The following PKD2L2 variants were observed in gnomAD, a reference collection of about 807,000 sequenced individuals.
PKD2L2 encodes the protein polycystin 2 like 2, transient receptor potential cation channel.
In PKD2L2, 67 loss-of-function variants were observed where a neutral mutation model predicts 83.9. The ratio of observed to expected loss-of-function variants is 0.80; its 90% CI spans 0.66 to 0.98. The LOEUF (loss-of-function observed/expected upper bound fraction) is 0.98. Among genes scored for constraint, PKD2L2 ranks in the 50% least tolerant of loss-of-function variants. The pLI is 0.00. For synonymous variants in PKD2L2, 223 were observed against 237.8 expected, an observed-to-expected ratio of 0.94 and a Z score of 0.57; for missense variants, 632 against 717.2, an observed-to-expected ratio of 0.88 and a Z score of 1.36.
At chr5:137,923,818 T>C (rs146769202) in intron 10 of PKD2L2, among the ~76,000 whole-genome samples, 1 of 152,352 alleles carries the variant, frequency 6.6e-6, no homozygotes, top group East Asian at 1.9e-4. Flanking sequence ...CTGAGTATTA[T>C]AATAAAACCC....
At chr5:137,929,448 C>T (rs140286459) in intron 12 of PKD2L2, among the ~76,000 whole-genome samples, 1,652 of 131,836 alleles carry the variant, frequency 0.013, 25 homozygotes, top group African/African-American at 0.044. Context: ...GTGACAAGAG[C>T]GAAACTCCAT....
In PKD2L2 at chr5:137,921,091, T is replaced by C. The variant is rs10051396; in HGVS notation, c.1329-545T>C. On this transcript the variant is annotated intron_variant, in intron 8 of 14. Coordinates refer to ENST00000508883, the MANE Select transcript of PKD2L2 (RefSeq NM_001300921.2). ...AATGTTATAGGTGGGCTGGGTGTGGTGGCTCATGCCTGTAATCCCAGCACT... is the reference window on the plus strand; with the variant it reads ...AATGTTATAGGTGGGCTGGGTGTGGCGGCTCATGCCTGTAATCCCAGCACT... Among the ~76,000 whole-genome samples the C allele has an allele frequency of 2.0e-5, 3 of 152,316 alleles. 1 individual carries two copies. Among genetic ancestry groups the C allele is most frequent in the Middle Eastern group, 6.8e-3 (2 of 294 alleles).
intron 4 of PKD2L2, among the ~76,000 whole-genome samples, chr5:137,896,022 C>A (rs1561675720): frequency 2.6e-5 from 4 of 151,710 alleles, no homozygotes; most frequent in Admixed American, 2.0e-4. Flanking sequence ...ACTAAAAATA[C>A]AAAAATTAGC....
rs771762286 is a variant in PKD2L2 at position 137,894,437 on chromosome 5, C to T, written c.352C>T (p.Arg118Cys). Residue 118 changes from arginine to cysteine, a missense_variant, in exon 4 of 15, where the codon CGC becomes TGC. By Grantham distance (180) the Arg-to-Cys change is radical. This residue lies in a region of PKD2L2 where 229 missense variants were observed against 281.5 expected (regional missense o/e 0.81). Coordinates refer to ENST00000508883, the MANE Select transcript of PKD2L2 (RefSeq NM_001300921.2). Reference sequence around the variant, plus strand: ...GCTGTATAATTTAAAGAACAGCAGTCGCATCTACTATGAAAATATACTTCT... The same window carrying T: ...GCTGTATAATTTAAAGAACAGCAGTTGCATCTACTATGAAAATATACTTCT... ...QQLYNLKNSSRIYYENILLGV... is the reference protein window; with the variant it reads ...QQLYNLKNSSCIYYENILLGV... 18 of 1,612,834 alleles carry T rather than the reference C, an allele frequency of 1.1e-5. No homozygotes were observed. The highest frequency in any genetic ancestry group is 6.7e-5 in the Admixed American group (4 of 60,002).
At chr5:137,907,265 A>T (rs985866969) in intron 6 of PKD2L2, among the ~76,000 whole-genome samples, 1 of 152,232 alleles carries the variant, frequency 6.6e-6, no homozygotes, top group African/African-American at 2.4e-5. Context: ...AGTCAAAGGA[A>T]AATTTTCATG....
intron 10 of PKD2L2, among the ~76,000 whole-genome samples, chr5:137,923,953 A>G (rs1367981996): frequency 1.3e-5 from 2 of 152,046 alleles, no homozygotes; most frequent in African/African-American, 4.8e-5. Context: ...CTATCCTCTC[A>G]AGTCACTCCT....
At chr5:137,930,906 T>G (rs1759824351) in intron 12 of PKD2L2, among the ~76,000 whole-genome samples, 1 of 151,930 alleles carries the variant, frequency 6.6e-6, no homozygotes, top group Non-Finnish European at 1.5e-5. Flanking sequence ...ACAATAGTAG[T>G]AGTATAAATA....
Position 137,894,608 on chromosome 5 carries a change from GAGTA to G in PKD2L2, c.524+4_524+7del. ...TAATTTTGGCCTTCAAATTAATACT[GAGTA>G]AGTAGCATAAAATTATACTGTAACT... On this transcript the variant is annotated splice_donor_variant and splice_donor_region_variant and coding_sequence_variant and intron_variant, in exon 4 of 15. Transcript: ENST00000508883. LOFTEE classifies it high-confidence loss of function. The G allele has an allele frequency of 6.2e-7, 1 of 1,604,440 alleles. No homozygotes were observed. The highest frequency in any genetic ancestry group is 1.3e-5 in the African/African-American group (1 of 74,662).
chr5:137,906,335 T>C lies in PKD2L2; in HGVS notation c.876T>C (p.Phe292=). 6.2e-7 allele frequency: 1 copy of C among 1,608,014 alleles called. No homozygotes were observed. Among genetic ancestry groups the C allele is most frequent in the Non-Finnish European group, 8.5e-7 (1 of 1,174,616 alleles). ...IASCEITFCI[F]LFVFTTQEVK... ...CCTGTGAAATCACATTCTGTATTTT[T>C]CTTTTTGTCTTCACAACACAAGAAG... Residue 292 remains phenylalanine (F), a synonymous_variant, in exon 6 of 15, where the codon TTT becomes TTC. Transcript: ENST00000508883.
Position 137,936,408 on chromosome 5 carries a change from T to C in PKD2L2, c.1873T>C (p.Ter625GlnextTer2), listed in dbSNP as rs572073558. Residue 625 changes from the stop codon to glutamine (Q), a stop_lost, in exon 14 of 15, where the codon TAG becomes CAG. Coordinates refer to ENST00000508883, the MANE Select transcript of PKD2L2 (RefSeq NM_001300921.2). ...AGTGGTGAGAAAGGTTTCAGCTCTA[T>C]AGTATTGAGACAAGTGGAGGTAAGA... is the stretch of plus-strand genomic sequence containing the variant. ...NQVVRKVSAL[*>Q] The C allele has an allele frequency of 3.2e-4, 490 of 1,535,318 alleles. 6 individuals are homozygous for C. In the South Asian group the frequency reaches 4.9e-3, roughly 15 times the overall value.
At position 137,923,648 on chromosome 5, in the gene PKD2L2, A is replaced by T. The variant is rs1038861348; in HGVS notation, c.1551+127A>T. The T allele has an allele frequency of 7.4e-5, 48 of 644,308 alleles. No homozygotes were observed. In the African/African-American group the frequency reaches 8.4e-4, roughly 11 times the overall value. The allele number at this position is 644,308 out of a possible 1,614,324, so 39.9% of individuals were successfully genotyped here. On this transcript the variant is annotated intron_variant, in intron 10 of 14. Transcript: ENST00000508883. Reference sequence around the variant, plus strand: ...CCCACTCCCACCCCATCCCATCCCCAGGGTTTGTTTTGTGTTTTGATCCAG... The same window carrying T: ...CCCACTCCCACCCCATCCCATCCCCTGGGTTTGTTTTGTGTTTTGATCCAG...
intron 9 of PKD2L2, 91 bp from the exon 10 acceptor site, chr5:137,923,329 A>T: frequency 2.9e-6 from 2 of 687,296 alleles, no homozygotes; most frequent in Non-Finnish European, 5.1e-6. Context: ...TTTAAAATTT[A>T]AATATAATTT....
intron 8 of PKD2L2, among the ~76,000 whole-genome samples, chr5:137,910,093 G>T (rs1163551803): frequency 6.6e-6 from 1 of 151,966 alleles, no homozygotes; most frequent in Non-Finnish European, 1.5e-5. Context: ...GGATGTGGTG[G>T]CATATGCTTG....
chr5:137,929,306 T>C (rs1041011424), intron 12 of PKD2L2, among the ~76,000 whole-genome samples: 2 of 151,246 alleles, frequency 1.3e-5, no homozygotes, highest in Non-Finnish European at 3.0e-5. Flanking sequence ...TACTAAAAAT[T>C]AAAAATTAGC....
intron 14 of PKD2L2, among the ~76,000 whole-genome samples, chr5:137,937,182 C>T (rs74957736): frequency 0.014 from 2,127 of 152,118 alleles, 40 homozygotes; most frequent in African/African-American, 0.047. Context: ...TATATAAGAC[C>T]CAAGTAAAGT....
intron 1 of PKD2L2, 26 bp downstream of exon 1, chr5:137,889,548 A>C (rs1242850532): frequency 6.5e-7 from 1 of 1,532,140 alleles, no homozygotes; most frequent in Admixed American, 2.4e-5. Context: ...AAGGAGTGGG[A>C]GGGACAGGGG....
chr5:137,917,564 A>T (rs898762615), intron 8 of PKD2L2, among the ~76,000 whole-genome samples: 5 of 152,022 alleles, frequency 3.3e-5, no homozygotes, highest in African/African-American at 1.2e-4. Context: ...CTTCCTTTGA[A>T]TCTCTTTAGT....
rs982736951 is a variant in PKD2L2 at position 137,894,414 on chromosome 5, T to G, written c.329T>G (p.Leu110Arg). 1 of 1,612,442 alleles carries G rather than the reference T, an allele frequency of 6.2e-7. No homozygotes were observed. Among genetic ancestry groups the G allele is most frequent in the African/African-American group, 1.3e-5 (1 of 75,054 alleles). ...GATTCATGGTACAATAACCAGCAGCTGTATAATTTAAAGAACAGCAGTCGC... is the reference window on the plus strand; with the variant it reads ...GATTCATGGTACAATAACCAGCAGCGGTATAATTTAAAGAACAGCAGTCGC... Reference protein sequence around the residue: ...YWDSWYNNQQLYNLKNSSRIY... With the variant: ...YWDSWYNNQQRYNLKNSSRIY... Residue 110 changes from leucine to arginine, a missense_variant, in exon 4 of 15, where the codon CTG (leucine) becomes CGG (arginine). Physicochemically the swap from Leu to Arg is moderately radical, Grantham distance 102 (BLOSUM62 -2). This residue lies in a region of PKD2L2 where 229 missense variants were observed against 281.5 expected (regional missense o/e 0.81). Coordinates refer to ENST00000508883, the MANE Select transcript of PKD2L2 (RefSeq NM_001300921.2).
chr5:137,899,506 T>C lies in PKD2L2; in HGVS notation c.525-10T>C. ...TGTCATTTCACCATTATTCTTTTTA[T>C]GTGTAACAGATGGAGATATTCTACT... On this transcript the variant is annotated splice_polypyrimidine_tract_variant and intron_variant, in intron 4 of 14. Transcript: ENST00000508883. 2.7e-6 allele frequency: 4 copies of C among 1,471,120 alleles called. No individual in the cohort carries two copies. Among genetic ancestry groups the C allele is most frequent in the Admixed American group, 1.7e-5 (1 of 58,286 alleles). The allele number at this position is 1,471,120 out of a possible 1,614,324, so 91.1% of individuals were successfully genotyped here.
Sources: allele counts gnomAD v4.1 joint callset (sites outside exome capture counted in the v4.1 genomes callset), GRCh38; gene constraint gnomAD v4.1.1; regional missense constraint gnomAD v4.1.1; transcripts MANE v1.5; gene names NCBI Gene and HGNC (gene_info 2026-07-23, HGNC 2026-07-21).